SLC2A13: variants seen among roughly 807,000 people sequenced by gnomAD.
SLC2A13 encodes solute carrier family 2 member 13.
A neutral mutation model predicts 64.4 loss-of-function variants in SLC2A13; 32 were observed. The observed-to-expected ratio is 0.50, with a 90% CI of 0.37 to 0.67. The LOEUF is 0.67. SLC2A13 is among the 30% of genes least tolerant of loss of function. The probability of loss-of-function intolerance (pLI) is 0.00; values close to 1 mark genes in which losing one functional copy is unlikely to be tolerated. For missense variants in SLC2A13, 743 were observed against 829.2 expected (o/e 0.90, Z 1.28); for synonymous variants, 338 against 327.1 (o/e 1.03, Z -0.36).
intron 1 of SLC2A13, among the ~76,000 whole-genome samples, chr12:40,092,948 A>G (rs1938815561): frequency 6.6e-6 from 1 of 152,234 alleles, no homozygotes; most frequent in African/African-American, 2.4e-5. Flanking sequence ...CAGGAAAGAG[A>G]GGAGACATTA....
At chr12:40,080,858 T>C (rs1938369436) in intron 1 of SLC2A13, among the ~76,000 whole-genome samples, 1 of 152,258 alleles carries the variant, frequency 6.6e-6, no homozygotes, top group Non-Finnish European at 1.5e-5. Context: ...TTTCCATTTT[T>C]AGCACTTGCT....
At chr12:39,961,958 C>T (rs975368958) in intron 3 of SLC2A13, among the ~76,000 whole-genome samples, 9 of 152,166 alleles carry the variant, frequency 5.9e-5, no homozygotes, top group African/African-American at 1.9e-4. Flanking sequence ...AATACATGTA[C>T]CAAAATATCA....
Position 39,977,982 on chromosome 12 carries a change from C to T in SLC2A13, c.926-26617G>A, listed in dbSNP as rs575505794. ...TTTCTTCAGAGGCCTGTGTATTTCACGTGTGTGTTTTCATTAATGTCTCCC... is the reference window on the plus strand; with the variant it reads ...TTTCTTCAGAGGCCTGTGTATTTCATGTGTGTGTTTTCATTAATGTCTCCC... On this transcript the variant is annotated intron_variant, in intron 3 of 9. Coordinates refer to ENST00000280871, the MANE Select transcript of SLC2A13 (RefSeq NM_052885.4). 6.6e-5 allele frequency among the ~76,000 whole-genome samples: 10 copies of T among 152,274 alleles called. No individual in the cohort carries two copies. In the South Asian group the frequency reaches 1.7e-3, roughly 25 times the overall value.
At chr12:39,927,823 C>T (rs1402101224) in intron 4 of SLC2A13, among the ~76,000 whole-genome samples, 1 of 152,134 alleles carries the variant, frequency 6.6e-6, no homozygotes, top group Non-Finnish European at 1.5e-5. Context: ...AGATACACAA[C>T]ATGATTGTTT....
intron 7 of SLC2A13, among the ~76,000 whole-genome samples, chr12:39,821,093 C>T (rs1942494132): frequency 6.6e-6 from 1 of 152,062 alleles, no homozygotes; most frequent in East Asian, 1.9e-4. Flanking sequence ...ATTATTTGTT[C>T]AATGGTTTTC....
rs561542815 is a variant in SLC2A13, at chr12:39,756,224, A to C, written c.*3802T>G. On this transcript the variant is annotated 3_prime_UTR_variant, in exon 10 of 10. Coordinates refer to ENST00000280871, the MANE Select transcript of SLC2A13 (RefSeq NM_052885.4). ...TGGCAGCAGCTACATATGAGCTATA[A>C]ATTTTAACCACAATTTAATACATTT... is the stretch of plus-strand genomic sequence containing the variant. 1 of 151,960 alleles carries C rather than the reference A, an allele frequency of 6.6e-6. No homozygotes were observed. Among genetic ancestry groups the C allele is most frequent in the South Asian group, 2.1e-4 (1 of 4,828 alleles). The allele number at this position is 151,960 out of a possible 1,614,324, so 9.4% of individuals were successfully genotyped here. A position where few individuals can be genotyped will look rare whatever the true frequency, so the allele number is the denominator to read the frequency against.
At chr12:39,952,054 A>G (rs1946241696) in intron 3 of SLC2A13, among the ~76,000 whole-genome samples, 1 of 152,162 alleles carries the variant, frequency 6.6e-6, no homozygotes, top group Non-Finnish European at 1.5e-5. Context: ...TAAAATACAA[A>G]TGAACTTTCA....
intron 1 of SLC2A13, among the ~76,000 whole-genome samples, chr12:40,079,223 A>G (rs777981226): frequency 6.6e-6 from 1 of 152,134 alleles, no homozygotes; most frequent in Non-Finnish European, 1.5e-5. Context: ...TGGGTTGTTA[A>G]TCTGAGCTCT....
intron 3 of SLC2A13, among the ~76,000 whole-genome samples, chr12:39,971,995 A>ATATATATATATATATAT (rs1192990149): frequency 1.4e-4 from 7 of 48,500 alleles, no homozygotes; most frequent in African/African-American, 4.3e-4. Context: ...AAAAAAAAAA[A>ATATATATATATATATAT]AAATATATAT....
intron 4 of SLC2A13, among the ~76,000 whole-genome samples, chr12:39,940,397 T>C (rs1945999041): frequency 6.6e-6 from 1 of 152,142 alleles, no homozygotes; most frequent in Non-Finnish European, 1.5e-5. Flanking sequence ...CTATGTTTCC[T>C]GATTGCGTGG....
At chr12:40,037,089 T>C (rs1240396594) in intron 2 of SLC2A13, among the ~76,000 whole-genome samples, 1 of 152,208 alleles carries the variant, frequency 6.6e-6, no homozygotes, top group Non-Finnish European at 1.5e-5. Context: ...TCCTGGGTCA[T>C]GATTTATTCC....
chr12:39,917,343 AACCAAG>A (rs1349071836), intron 4 of SLC2A13, among the ~76,000 whole-genome samples: 1 of 152,106 alleles, frequency 6.6e-6, no homozygotes, highest in African/African-American at 2.4e-5. Context: ...GGGTATTTAG[AACCAAG>A]ACAAAAGCCA....
chr12:39,812,723 C>T (rs1942214942), intron 7 of SLC2A13, among the ~76,000 whole-genome samples: 1 of 151,866 alleles, frequency 6.6e-6, no homozygotes, highest in Non-Finnish European at 1.5e-5. Context: ...CCACCTGCCT[C>T]AGCCTCCCAA....
At chr12:39,934,012 A>G (rs1312975382) in intron 4 of SLC2A13, among the ~76,000 whole-genome samples, 1 of 152,236 alleles carries the variant, frequency 6.6e-6, no homozygotes, top group Non-Finnish European at 1.5e-5. Context: ...ATTAGAGTAG[A>G]TTAACTATGA....
intron 7 of SLC2A13, among the ~76,000 whole-genome samples, chr12:39,817,995 G>A (rs1213660107): frequency 9.2e-5 from 14 of 152,084 alleles, no homozygotes; most frequent in Admixed American, 9.2e-4. Context: ...CCTCTGCTTT[G>A]TCCTTTCAAG....
At chr12:39,981,492 A>T (rs1946896935) in intron 3 of SLC2A13, among the ~76,000 whole-genome samples, 2 of 150,286 alleles carry the variant, frequency 1.3e-5, no homozygotes. Context: ...GATAAAGGGG[A>T]TATCACCACC....
At chr12:40,010,767 C>G (rs1947517445) in intron 3 of SLC2A13, among the ~76,000 whole-genome samples, 1 of 151,972 alleles carries the variant, frequency 6.6e-6, no homozygotes, top group Admixed American at 6.6e-5. Flanking sequence ...ATTCTACTGC[C>G]TAATTACAGC....
intron 2 of SLC2A13, among the ~76,000 whole-genome samples, chr12:40,046,091 C>T (rs1025160474): frequency 5.9e-5 from 9 of 152,172 alleles, no homozygotes; most frequent in Admixed American, 1.3e-4. Context: ...CCAAGTGCTA[C>T]GCTAAACACT....
intron 6 of SLC2A13, among the ~76,000 whole-genome samples, chr12:39,853,242 C>T (rs1415332454): frequency 1.3e-5 from 2 of 152,114 alleles, no homozygotes; most frequent in East Asian, 3.9e-4. Context: ...GGGTTCAGGG[C>T]TTGATATCCT....
Sources: gnomAD v4.1 joint callset for allele counts (sites outside exome capture counted in the v4.1 genomes callset) on GRCh38, gnomAD v4.1.1 for gene constraint, MANE v1.5 for transcripts, NCBI Gene and HGNC (gene_info 2026-07-23, HGNC 2026-07-21) for gene names.